TBC1D19: variants seen among roughly 807,000 people sequenced by gnomAD.
The protein encoded by TBC1D19 is TBC1 domain family, member 19.
Under a neutral mutation model 89.0 loss-of-function variants are expected in TBC1D19, and 60 were observed. The observed-to-expected ratio is 0.67, with a 90% CI of 0.55 to 0.84. The LOEUF (loss-of-function observed/expected upper bound fraction) is 0.84. Ranked by LOEUF, TBC1D19 falls within the 40% of genes least tolerant of loss-of-function variation. The pLI is 0.00. For missense variants in TBC1D19, 500 were observed against 610.8 expected, an observed-to-expected ratio of 0.82 and a Z score of 1.91; for synonymous variants, 189 against 199.7, an observed-to-expected ratio of 0.95 and a Z score of 0.45.
chr4:26,732,678 T>C (rs1717738660), intron 15 of TBC1D19, among the ~76,000 whole-genome samples: 1 of 152,210 alleles, frequency 6.6e-6, no homozygotes. Context: ...TTCTTTGTTG[T>C]TTTTGAAATA....
At chr4:26,806,149 G>C in the TBC1D19 span, among the ~76,000 whole-genome samples, 2 of 151,982 alleles carry the variant, frequency 1.3e-5, no homozygotes, top group Non-Finnish European at 2.9e-5. Flanking sequence ...GCTTGGCATG[G>C]CTTTTGCCTC....
Position 26,607,557 on chromosome 4 carries a change from A to T in TBC1D19, c.100-5612A>T, listed in dbSNP as rs559104146. Among the ~76,000 whole-genome samples the T allele has an allele frequency of 3.3e-5, 5 of 152,294 alleles. No homozygotes were observed. In the East Asian group the frequency reaches 9.6e-4, roughly 29 times the overall value. On this transcript the variant is annotated intron_variant, in intron 1 of 20. Coordinates refer to ENST00000264866, the MANE Select transcript of TBC1D19 (RefSeq NM_018317.4). ...CTGAGAGGTGATTCCAGATCTTTTG[A>T]TGCCAAATCCCACTCTCATTTAGTC...
At chr4:26,762,098 C>T in the TBC1D19 span, among the ~76,000 whole-genome samples, 3 of 152,160 alleles carry the variant, frequency 2.0e-5, no homozygotes, top group Non-Finnish European at 4.4e-5. Context: ...GTTGCACCAC[C>T]GCACTTTGGC....
At chr4:26,740,747 T>C (rs1054899501) in intron 17 of TBC1D19, 1 of 985,356 alleles carries the variant, frequency 1.0e-6, no homozygotes. Context: ...AAACATTCAA[T>C]TGGAATATAT....
intron 13 of TBC1D19, among the ~76,000 whole-genome samples, chr4:26,693,619 CAGGA>C (rs1270715248): frequency 6.6e-6 from 1 of 151,608 alleles, no homozygotes; most frequent in Non-Finnish European, 1.5e-5. Flanking sequence ...CACTTTTGCC[CAGGA>C]GGTCAAGGCT....
At chr4:26,716,857 G>T (rs1352293760) in intron 13 of TBC1D19, among the ~76,000 whole-genome samples, 1 of 151,786 alleles carries the variant, frequency 6.6e-6, no homozygotes, top group Non-Finnish European at 1.5e-5. Context: ...TGTTGATCAG[G>T]CTGGTTTTGA....
At chr4:26,839,813 C>T in the TBC1D19 span, among the ~76,000 whole-genome samples, 3 of 152,080 alleles carry the variant, frequency 2.0e-5, no homozygotes, top group Admixed American at 6.6e-5. Flanking sequence ...AATGCAGACC[C>T]GAGGCTCCAA....
chr4:26,641,954 T>C (rs10939128), intron 7 of TBC1D19, among the ~76,000 whole-genome samples: 69,276 of 152,066 alleles, frequency 0.46, 17,560 homozygotes, highest in Admixed American at 0.6. Context: ...CTACATTTGA[T>C]TGGTATACCT....
chr4:26,650,633 A>G (rs1235750317), intron 7 of TBC1D19, among the ~76,000 whole-genome samples: 2 of 152,084 alleles, frequency 1.3e-5, no homozygotes, highest in Non-Finnish European at 2.9e-5. Flanking sequence ...AGATGAGTAG[A>G]TTGCAAAAAT....
intron 1 of TBC1D19, among the ~76,000 whole-genome samples, chr4:26,590,139 C>G (rs1309289330): frequency 1.3e-5 from 2 of 152,160 alleles, no homozygotes; most frequent in Non-Finnish European, 2.9e-5. Flanking sequence ...TCCTCCTGTG[C>G]TCTGCCAAAG....
the TBC1D19 span, among the ~76,000 whole-genome samples, chr4:26,761,884 T>C: frequency 2.6e-5 from 4 of 152,132 alleles, no homozygotes; most frequent in African/African-American, 9.7e-5. Flanking sequence ...CTCAGCACTT[T>C]GGGAGGCTGA....
At chr4:26,672,230 ACAGTCC>A in intron 10 of TBC1D19, 43 bp downstream of exon 10, 1 of 1,291,788 alleles carries the variant, frequency 7.7e-7, no homozygotes, top group Non-Finnish European at 1.0e-6. Flanking sequence ...GAAAAGTGAG[ACAGTCC>A]CAGCTAAATG....
intron 18 of TBC1D19, among the ~76,000 whole-genome samples, chr4:26,746,576 T>A (rs1718661632): frequency 6.6e-6 from 1 of 152,194 alleles, no homozygotes; most frequent in South Asian, 2.1e-4. Flanking sequence ...TATTGAACTG[T>A]ACACTAATAA....
chr4:26,832,099 A>T, the TBC1D19 span, among the ~76,000 whole-genome samples: 2 of 152,210 alleles, frequency 1.3e-5, no homozygotes, highest in African/African-American at 2.4e-5. Context: ...GATGTTAAAC[A>T]CCTAACAGTT....
At chr4:26,665,292 G>C (rs894788592) in intron 8 of TBC1D19, among the ~76,000 whole-genome samples, 1 of 152,092 alleles carries the variant, frequency 6.6e-6, no homozygotes, top group African/African-American at 2.4e-5. Flanking sequence ...TAACTGTCTT[G>C]TAAAGGACAT....
At chr4:26,836,795 C>A in the TBC1D19 span, among the ~76,000 whole-genome samples, 1 of 152,180 alleles carries the variant, frequency 6.6e-6, no homozygotes, top group Non-Finnish European at 1.5e-5. Context: ...AACTGGCAAG[C>A]CTCACAGCAG....
chr4:26,806,464 T>A, the TBC1D19 span, among the ~76,000 whole-genome samples: 1 of 152,218 alleles, frequency 6.6e-6, no homozygotes, highest in African/African-American at 2.4e-5. Flanking sequence ...AGATATTAGC[T>A]CATGCTAATC....
the TBC1D19 span, among the ~76,000 whole-genome samples, chr4:26,796,573 C>T: frequency 6.6e-6 from 1 of 152,054 alleles, no homozygotes; most frequent in African/African-American, 2.4e-5. Flanking sequence ...GTGGTTCATG[C>T]CTGTAATGTC....
the TBC1D19 span, among the ~76,000 whole-genome samples, chr4:26,766,581 C>T: frequency 6.6e-6 from 1 of 152,170 alleles, no homozygotes; most frequent in South Asian, 2.1e-4. Context: ...TTTCTACACC[C>T]ATGCTTTGTG....
Sources: gnomAD v4.1 joint callset for allele counts (sites outside exome capture counted in the v4.1 genomes callset) on GRCh38, gnomAD v4.1.1 for gene constraint, MANE v1.5 for transcripts, NCBI Gene and HGNC (gene_info 2026-07-23, HGNC 2026-07-21) for gene names.